Variants in SYT9 observed in about 807,000 individuals in gnomAD.
The protein encoded by SYT9 is synaptotagmin 9.
A neutral mutation model predicts 48.4 loss-of-function variants in SYT9; 22 were observed. The ratio of observed to expected loss-of-function variants is 0.45; its 90% CI spans 0.32 to 0.65. SYT9 has a LOEUF of 0.65. Among genes scored for constraint, SYT9 ranks in the 30% least tolerant of loss-of-function variants. The probability of loss-of-function intolerance (pLI) is 0.03; values close to 1 mark genes in which losing one functional copy is unlikely to be tolerated. For missense variants in SYT9, 577 were observed against 622.0 expected, an observed-to-expected ratio of 0.93 and a Z score of 0.77; for synonymous variants, 265 against 245.0, an observed-to-expected ratio of 1.08 and a Z score of -0.76.
At chr11:7,391,954 T>C (rs1846627029) in intron 3 of SYT9, among the ~76,000 whole-genome samples, 1 of 151,822 alleles carries the variant, frequency 6.6e-6, no homozygotes, top group Admixed American at 6.6e-5. Flanking sequence ...TTGTCCACTT[T>C]CTAATGAGGT....
chr11:7,434,997 A>T (rs1010534022), intron 6 of SYT9: 1 of 152,174 alleles, frequency 6.6e-6, no homozygotes, highest in Admixed American at 6.5e-5. Flanking sequence ...AACTAGTCTT[A>T]TATCAGGAAT....
intron 6 of SYT9, among the ~76,000 whole-genome samples, chr11:7,453,291 C>T (rs539984855): frequency 6.6e-6 from 1 of 152,084 alleles, no homozygotes; most frequent in South Asian, 2.1e-4. Flanking sequence ...TGGGTACTGT[C>T]AGTACAAGCT....
chr11:7,411,584 C>G (rs549542499), intron 3 of SYT9, among the ~76,000 whole-genome samples: 2 of 152,228 alleles, frequency 1.3e-5, no homozygotes, highest in East Asian at 3.9e-4. Flanking sequence ...GAAATACTTT[C>G]TTAGCCTGAT....
chr11:7,275,242 G>T (rs1848366196), intron 1 of SYT9, among the ~76,000 whole-genome samples: 1 of 151,836 alleles, frequency 6.6e-6, no homozygotes, highest in Non-Finnish European at 1.5e-5. Context: ...CTCTCCAAAT[G>T]GTGTCTTCCT....
chr11:7,362,654 T>G (rs1357717122), intron 3 of SYT9, among the ~76,000 whole-genome samples: 2 of 152,192 alleles, frequency 1.3e-5, no homozygotes, highest in Non-Finnish European at 2.9e-5. Flanking sequence ...TTTTTCACCT[T>G]GAAGACCATG....
At chr11:7,345,559 A>G (rs1849784812) in intron 3 of SYT9, among the ~76,000 whole-genome samples, 1 of 152,174 alleles carries the variant, frequency 6.6e-6, no homozygotes, top group Non-Finnish European at 1.5e-5. Flanking sequence ...GTTGGTATTT[A>G]CTGAGATGGG....
At chr11:7,239,777 G>A (rs1208501182) in intron 1 of SYT9, among the ~76,000 whole-genome samples, 1 of 152,016 alleles carries the variant, frequency 6.6e-6, no homozygotes, top group African/African-American at 2.4e-5. Flanking sequence ...AGGGAGAAGG[G>A]AAAAAACAAG....
Position 7,405,416 on chromosome 11 carries a change from T to G in SYT9, c.1045-10626T>G, listed in dbSNP as rs568397930. 4.6e-5 allele frequency among the ~76,000 whole-genome samples: 7 copies of G among 152,172 alleles called. No homozygotes were observed. The East Asian group carries it at 1.2e-3, about 25-fold the overall frequency. ...AGAACCACTGATTGAAGGGAATGTT[T>G]ACAAACATCAAGAGCTACAGCTTCT... is the stretch of plus-strand genomic sequence containing the variant. On this transcript the variant is annotated intron_variant, in intron 3 of 6. Transcript: ENST00000318881.
At chr11:7,360,529 GAGC>G (rs1468049893) in intron 3 of SYT9, among the ~76,000 whole-genome samples, 4 of 152,022 alleles carry the variant, frequency 2.6e-5, no homozygotes. Flanking sequence ...TAATTTCATT[GAGC>G]AGTGGTTTGT....
At chr11:7,429,083 T>C (rs1847518970) in intron 6 of SYT9, among the ~76,000 whole-genome samples, 1 of 152,182 alleles carries the variant, frequency 6.6e-6, no homozygotes, top group African/African-American at 2.4e-5. Context: ...CCCAGTCCTG[T>C]GGGCACCCAT....
At chr11:7,286,157 C>A (rs943291632) in intron 1 of SYT9, among the ~76,000 whole-genome samples, 4 of 152,182 alleles carry the variant, frequency 2.6e-5, no homozygotes, top group African/African-American at 9.7e-5. Context: ...CTGTACTTCC[C>A]TAGCAGAGGT....
intron 3 of SYT9, among the ~76,000 whole-genome samples, chr11:7,349,676 G>C (rs1330209313): frequency 6.6e-6 from 1 of 152,160 alleles, no homozygotes; most frequent in Admixed American, 6.5e-5. Flanking sequence ...CCAGACCCCA[G>C]TTCTAGTGTG....
At chr11:7,271,646 C>T (rs775538626) in intron 1 of SYT9, among the ~76,000 whole-genome samples, 2 of 152,058 alleles carry the variant, frequency 1.3e-5, no homozygotes, top group Admixed American at 6.5e-5. Context: ...GCACTATCTC[C>T]GCTCACTGCA....
intron 3 of SYT9, among the ~76,000 whole-genome samples, chr11:7,414,412 C>G (rs1847199194): frequency 6.6e-6 from 1 of 152,220 alleles, no homozygotes; most frequent in Non-Finnish European, 1.5e-5. Flanking sequence ...CAGCTGTGGT[C>G]TCTCTTTCCT....
At chr11:7,389,880 A>G (rs1850730595) in intron 3 of SYT9, among the ~76,000 whole-genome samples, 1 of 152,218 alleles carries the variant, frequency 6.6e-6, no homozygotes, top group Non-Finnish European at 1.5e-5. Context: ...CAACTGAAAC[A>G]TGAAATACAA....
intron 1 of SYT9, among the ~76,000 whole-genome samples, chr11:7,270,127 C>T (rs1848266905): frequency 6.6e-6 from 1 of 152,238 alleles, no homozygotes; most frequent in South Asian, 2.1e-4. Context: ...GAGAGTGTAT[C>T]AATTCTTTGG....
intron 2 of SYT9, among the ~76,000 whole-genome samples, chr11:7,309,841 T>A (rs1422253119): frequency 2.0e-5 from 3 of 152,156 alleles, no homozygotes; most frequent in Non-Finnish European, 4.4e-5. Context: ...CTTCTAAGCT[T>A]CTCTCTTCTT....
At chr11:7,463,322 A>G (rs1025332414) in intron 6 of SYT9, among the ~76,000 whole-genome samples, 8 of 152,104 alleles carry the variant, frequency 5.3e-5, no homozygotes, top group African/African-American at 1.9e-4. Context: ...CACTGGGTCA[A>G]TGCTTTTCTG....
chr11:7,309,626 C>G (rs1416066228), intron 2 of SYT9, among the ~76,000 whole-genome samples: 1 of 152,160 alleles, frequency 6.6e-6, no homozygotes, highest in Non-Finnish European at 1.5e-5. Flanking sequence ...CGTATCTTTC[C>G]TACCTCTTGC....
Sources: gnomAD v4.1 joint callset for allele counts (sites outside exome capture counted in the v4.1 genomes callset) on GRCh38, gnomAD v4.1.1 for gene constraint, MANE v1.5 for transcripts, NCBI Gene and HGNC (gene_info 2026-07-23, HGNC 2026-07-21) for gene names.